Variants in ORC5 observed in about 807,000 individuals in gnomAD.
ORC5 encodes the protein origin recognition complex subunit 5, also known as protein phosphatase 1, regulatory subunit 117.
In ORC5, 39 loss-of-function variants were observed where a neutral mutation model predicts 58.8. That is an observed-to-expected ratio of 0.66 (90% CI 0.51 to 0.87). The LOEUF is 0.87. ORC5 is among the 40% of genes least tolerant of loss of function. The pLI is 0.00. For missense variants in ORC5, 493 were observed against 506.3 expected (o/e 0.97, Z 0.25); for synonymous variants, 218 against 177.6 (o/e 1.23, Z -1.81).
intron 12 of ORC5, among the ~76,000 whole-genome samples, chr7:104,148,620 G>C (rs1798798203): frequency 6.6e-6 from 1 of 152,166 alleles, no homozygotes; most frequent in Non-Finnish European, 1.5e-5. Flanking sequence ...GTATGAGTTT[G>C]ATGTCACAAA....
intron 8 of ORC5, among the ~76,000 whole-genome samples, chr7:104,182,118 A>G (rs1437220276): frequency 6.6e-6 from 1 of 152,142 alleles, no homozygotes; most frequent in Non-Finnish European, 1.5e-5. Flanking sequence ...TTCTTCTATA[A>G]AATTACTAAA....
Position 104,207,962 on chromosome 7 carries a change from A to T in ORC5, c.-58T>A. 2 of 1,524,120 alleles carry T rather than the reference A, an allele frequency of 1.3e-6. No individual in the cohort carries two copies. The highest frequency in any genetic ancestry group is 9.1e-7 in the Non-Finnish European group (1 of 1,100,526). 94.4% of individuals were successfully genotyped at this position (1,524,120 alleles called of 1,614,324 possible). On this transcript the variant is annotated 5_prime_UTR_variant, in exon 1 of 14. Coordinates refer to ENST00000297431, the MANE Select transcript of ORC5 (RefSeq NM_002553.4). ...CCAGCCCACAGGACCCTTGCACAAG[A>T]CGGAGCCTCTCCCGAGTCTGGCGGC... is the stretch of plus-strand genomic sequence containing the variant.
intron 11 of ORC5, among the ~76,000 whole-genome samples, chr7:104,163,286 A>G (rs1214842580): frequency 2.0e-5 from 3 of 152,192 alleles, no homozygotes; most frequent in Admixed American, 6.5e-5. Flanking sequence ...TGCCAGGCCA[A>G]TGAAATATGA....
At chr7:104,189,018 T>C (rs1799613463) in intron 5 of ORC5, among the ~76,000 whole-genome samples, 1 of 152,126 alleles carries the variant, frequency 6.6e-6, no homozygotes, top group Non-Finnish European at 1.5e-5. Context: ...TTAAACCTTT[T>C]CTTTATAAAT....
In ORC5 at chr7:104,136,113, T is replaced by C. The variant is rs1584477160; in HGVS notation, c.1262+668A>G. 6.6e-6 allele frequency among the ~76,000 whole-genome samples: 1 copy of C among 152,222 alleles called. No individual in the cohort carries two copies. The highest frequency in any genetic ancestry group is 2.4e-5 in the African/African-American group (1 of 41,450). ...TTCTTCCCCAGAACTTCTAACATTC[T>C]AGAATTACTCAGAATTAGCTTCATT... On this transcript the variant is annotated intron_variant, in intron 13 of 13. Coordinates refer to ENST00000297431, the MANE Select transcript of ORC5 (RefSeq NM_002553.4). This position sits in a 1 kb window ranked among gnomAD's most constrained non-coding sequence, Gnocchi z 4.2.
chr7:104,176,565 T>C (rs908086114), intron 8 of ORC5, among the ~76,000 whole-genome samples: 2 of 152,190 alleles, frequency 1.3e-5, no homozygotes, highest in Non-Finnish European at 2.9e-5. Context: ...TGGTCAGTTG[T>C]GCCTAAGCTC....
intron 8 of ORC5, among the ~76,000 whole-genome samples, chr7:104,181,888 GC>G (rs1372317794): frequency 6.6e-6 from 1 of 151,974 alleles, no homozygotes; most frequent in Non-Finnish European, 1.5e-5. Flanking sequence ...TTCCTGGCAG[GC>G]CCAGGAACTA....
At chr7:104,204,940 C>T (rs1305401044) in intron 1 of ORC5, among the ~76,000 whole-genome samples, 7 of 152,066 alleles carry the variant, frequency 4.6e-5, no homozygotes, top group South Asian at 2.1e-4. Flanking sequence ...CTTAAATGAA[C>T]GCTTTCATTA....
intron 12 of ORC5, among the ~76,000 whole-genome samples, chr7:104,140,483 C>T (rs943410156): frequency 6.6e-6 from 1 of 152,120 alleles, no homozygotes; most frequent in Non-Finnish European, 1.5e-5. Flanking sequence ...GGAAGTCCTC[C>T]TTTATTTCCA....
At chr7:104,207,691 T>A in intron 1 of ORC5, 142 bp downstream of exon 1, 2 of 700,714 alleles carry the variant, frequency 2.9e-6, no homozygotes, top group South Asian at 3.5e-5. Flanking sequence ...GAAGCTGCAG[T>A]ACAGAACCAC....
intron 12 of ORC5, among the ~76,000 whole-genome samples, chr7:104,142,888 G>A (rs1177822743): frequency 6.6e-6 from 1 of 152,172 alleles, no homozygotes. Context: ...TCGTGGGAGA[G>A]TAAGTACTGC....
rs547616419 is a variant in ORC5 at position 104,169,093 on chromosome 7, C to A, written c.825-568G>T. Among the ~76,000 whole-genome samples, 5 of 152,012 alleles carry A rather than the reference C, an allele frequency of 3.3e-5. No individual in the cohort carries two copies. The South Asian group carries it at 1.0e-3, about 32-fold the overall frequency. On this transcript the variant is annotated intron_variant, in intron 8 of 13. Coordinates refer to ENST00000297431, the MANE Select transcript of ORC5 (RefSeq NM_002553.4). ...AGCCTGTCTTTAAAAAAAACAACAA[C>A]AAACAAAAAACCAATAAATACTACC...
chr7:104,189,850 G>A (rs951493014), intron 5 of ORC5, among the ~76,000 whole-genome samples: 2 of 152,156 alleles, frequency 1.3e-5, no homozygotes, highest in Non-Finnish European at 2.9e-5. Context: ...AACCTGAGGA[G>A]GGGCTCATGT....
intron 12 of ORC5, among the ~76,000 whole-genome samples, 183 bp from the exon 13 acceptor site, chr7:104,137,076 A>G (rs950408704): frequency 6.6e-6 from 1 of 151,790 alleles, no homozygotes; most frequent in African/African-American, 2.4e-5. Flanking sequence ...CTAACAACCA[A>G]GACTAGTTGT....
intron 11 of ORC5, among the ~76,000 whole-genome samples, chr7:104,162,823 C>T (rs1799045808): frequency 6.6e-6 from 1 of 152,152 alleles, no homozygotes; most frequent in Non-Finnish European, 1.5e-5. Context: ...TCTCCCTTTC[C>T]TTCTCTAGAA....
At chr7:104,206,658 C>G (rs1055334511) in intron 1 of ORC5, among the ~76,000 whole-genome samples, 2 of 152,222 alleles carry the variant, frequency 1.3e-5, no homozygotes, top group South Asian at 4.1e-4. Context: ...TAATGCTTCA[C>G]AGGCCACCTC....
intron 11 of ORC5, among the ~76,000 whole-genome samples, chr7:104,162,422 A>G (rs1464127351): frequency 6.6e-6 from 1 of 152,236 alleles, no homozygotes; most frequent in Non-Finnish European, 1.5e-5. Context: ...TTGGCCTCCC[A>G]AAGTGCTAGA....
At chr7:104,205,084 C>CTTTTTTTTTTTTTTTTTTTTTTTTTTTT (rs769195880) in intron 1 of ORC5, among the ~76,000 whole-genome samples, 1 of 102,358 alleles carries the variant, frequency 9.8e-6, no homozygotes, top group Non-Finnish European at 2.2e-5. Context: ...TTTAATAATA[C>CTTTTTTTTTTTTTTTTTTTTTTTTTTTT]TCTTTTTTTT....
At chr7:104,132,818 T>A (rs545064880) in intron 13 of ORC5, among the ~76,000 whole-genome samples, 2 of 152,100 alleles carry the variant, frequency 1.3e-5, no homozygotes, top group African/African-American at 4.8e-5. Context: ...AACTTCCAAA[T>A]CGTGTGTGTG....
Sources: gnomAD v4.1 joint callset for allele counts (sites outside exome capture counted in the v4.1 genomes callset) on GRCh38, gnomAD v4.1.1 for gene constraint, Gnocchi (gnomAD v3.1) non-coding constraint, MANE v1.5 for transcripts, NCBI Gene and HGNC (gene_info 2026-07-23, HGNC 2026-07-21) for gene names.